TRPM8: variants seen among roughly 807,000 people sequenced by gnomAD.
The protein encoded by TRPM8 is transient receptor potential cation channel subfamily M member 8.
Under a neutral mutation model 133.7 loss-of-function variants are expected in TRPM8, and 110 were observed. The observed-to-expected ratio is 0.82, with a 90% CI of 0.70 to 0.96. TRPM8 has a LOEUF of 0.96. TRPM8 is among the 40% of genes least tolerant of loss of function. TRPM8 has a pLI of 0.00. For synonymous variants in TRPM8, 535 were observed against 532.3 expected, an observed-to-expected ratio of 1.01 and a Z score of -0.07; for missense variants, 1,291 against 1,379.5, an observed-to-expected ratio of 0.94 and a Z score of 1.02.
At chr2:233,972,797 T>G (rs1691764483) in intron 17 of TRPM8, among the ~76,000 whole-genome samples, 1 of 152,054 alleles carries the variant, frequency 6.6e-6, no homozygotes, top group African/African-American at 2.4e-5. Context: ...CACCCGGAAC[T>G]CCATCTGGCC....
intron 3 of TRPM8, among the ~76,000 whole-genome samples, chr2:233,936,311 G>C (rs145630929): frequency 2.2e-4 from 34 of 152,326 alleles, no homozygotes; most frequent in African/African-American, 7.9e-4. Context: ...AAGGTGGTAT[G>C]TTGGCAAAGG....
intron 24 of TRPM8, among the ~76,000 whole-genome samples, chr2:234,010,379 T>C (rs1479732872): frequency 2.0e-5 from 3 of 152,238 alleles, no homozygotes; most frequent in African/African-American, 7.2e-5. Context: ...TATCCATTGA[T>C]CTCTTGATGG....
chr2:233,985,693 A>C lies in TRPM8; in HGVS notation c.2767A>C (p.Thr923Pro). The C allele has an allele frequency of 6.2e-7, 1 of 1,613,874 alleles. No individual in the cohort carries two copies. Residue 923 changes from threonine (T) to proline (P), a missense_variant, in exon 21 of 26, where the codon ACG (threonine) becomes CCG (proline). Around this residue, in one of 2 missense-constraint regions of TRPM8, gnomAD observed 328 missense variants for 410.6 expected, o/e 0.80. Coordinates refer to ENST00000324695, the MANE Select transcript of TRPM8 (RefSeq NM_024080.5). ...GQVPSDVDGTTYDFAHCTFTG... is the reference protein window; with the variant it reads ...GQVPSDVDGTPYDFAHCTFTG... Reference sequence around the variant, plus strand: ...GTTGGTTTCTACATCCTCAGGTACCACGTATGACTTTGCCCACTGCACCTT... The same window carrying C: ...GTTGGTTTCTACATCCTCAGGTACCCCGTATGACTTTGCCCACTGCACCTT...
In TRPM8 at chr2:233,985,260, C is replaced by T. The variant is rs370702380; in HGVS notation, c.2762-428C>T. ...TCATGTTCCTGCTGCTCAGCCTCTG[C>T]TCTCAGTTCTGAGACCCTTCCTTCT... On this transcript the variant is annotated intron_variant, in intron 20 of 25. Transcript: ENST00000324695. Among the ~76,000 whole-genome samples the T allele has an allele frequency of 3.9e-4, 59 of 152,340 alleles. No homozygotes were observed. In the South Asian group the frequency reaches 0.012, roughly 30 times the overall value.
rs62192333 is a variant in TRPM8 at position 233,944,422 on chromosome 2, G to A, written c.700-1434G>A. On this transcript the variant is annotated intron_variant, in intron 6 of 25. Coordinates refer to ENST00000324695, the MANE Select transcript of TRPM8 (RefSeq NM_024080.5). ...GACTCACAAAAAACCTTGAAAATGT[G>A]GGTATTTTTACCTCTGAATGGGAAT... Among the ~76,000 whole-genome samples, 237 of 152,318 alleles carry A rather than the reference G, an allele frequency of 1.6e-3. 1 individual carries two copies. The highest frequency in any genetic ancestry group is 5.4e-3 in the African/African-American group (224 of 41,556).
At chr2:233,937,196 A>G in intron 3 of TRPM8, 157 bp from the exon 4 acceptor site, 1 of 888,196 alleles carries the variant, frequency 1.1e-6, no homozygotes, top group African/African-American at 1.7e-5. Flanking sequence ...GCACCCGTCC[A>G]CATCAAACTA....
intron 18 of TRPM8, among the ~76,000 whole-genome samples, chr2:233,981,065 C>T (rs1339666479): frequency 1.3e-5 from 2 of 152,122 alleles, no homozygotes; most frequent in Non-Finnish European, 2.9e-5. Context: ...AAATATAAGG[C>T]TAGCAATTAT....
rs776995196 is a variant in TRPM8 at position 233,939,055 on chromosome 2, C to A, written c.406C>A (p.His136Asn). 2.2e-5 allele frequency: 36 copies of A among 1,614,222 alleles called. No homozygotes were observed. Among genetic ancestry groups the A allele is most frequent in the Non-Finnish European group, 3.1e-5 (36 of 1,180,046 alleles). ...AEILYELLTQ[H>N]WHLKTPNLVI... ...AATCCTTTACGAGCTGCTGACCCAG[C>A]ACTGGCACCTGAAAACACCCAACCT... The change falls in exon 5 of 26, where the codon CAC (histidine) becomes AAC (asparagine). Residue 136 changes from histidine (H) to asparagine (N), a missense_variant. Physicochemically the swap from His to Asn is moderately conservative, Grantham distance 68 (BLOSUM62 1). Coordinates refer to ENST00000324695, the MANE Select transcript of TRPM8 (RefSeq NM_024080.5).
intron 11 of TRPM8, among the ~76,000 whole-genome samples, chr2:233,959,835 G>A (rs549870509): frequency 6.6e-6 from 1 of 152,184 alleles, no homozygotes; most frequent in African/African-American, 2.4e-5. Context: ...AGGCTGGAGT[G>A]CAGTGGTGTG....
At chr2:234,010,821 A>G (rs1316193998) in intron 24 of TRPM8, among the ~76,000 whole-genome samples, 5 of 151,958 alleles carry the variant, frequency 3.3e-5, no homozygotes, top group Non-Finnish European at 7.4e-5. Context: ...TAATCAGTTT[A>G]TTTGTATTTT....
chr2:233,956,586 A>G (rs979224227), intron 11 of TRPM8, among the ~76,000 whole-genome samples: 1 of 152,322 alleles, frequency 6.6e-6, no homozygotes, highest in East Asian at 1.9e-4. Context: ...TATAGATTTG[A>G]AGGTGCATAT....
Position 233,961,042 on chromosome 2 carries a change from G to T in TRPM8, c.1629G>T (p.Arg543=). The T allele has an allele frequency of 6.2e-7, 1 of 1,614,022 alleles. No individual in the cohort carries two copies. Among genetic ancestry groups the T allele is most frequent in the Non-Finnish European group, 8.5e-7 (1 of 1,180,018 alleles). The part of the protein sequence containing the change: ...RGFRKEDRNG[R]DEMDIELHDV... The stretch of plus-strand genomic sequence containing the variant: ...TCCGGAAGGAAGACAGAAATGGCCG[G>T]GACGAGATGGACATAGAACTCCACG... The change falls in exon 12 of 26, where the codon CGG becomes CGT. Residue 543 remains arginine, a synonymous_variant. Coordinates refer to ENST00000324695, the MANE Select transcript of TRPM8 (RefSeq NM_024080.5).
At chr2:233,950,957 T>C (rs1379205627) in intron 9 of TRPM8, among the ~76,000 whole-genome samples, 2 of 152,062 alleles carry the variant, frequency 1.3e-5, no homozygotes, top group African/African-American at 4.8e-5. Context: ...TCCCAACCCT[T>C]TGGGAGGCCA....
chr2:233,917,812 A>G (rs928473597), intron 1 of TRPM8, among the ~76,000 whole-genome samples: 6 of 122,924 alleles, frequency 4.9e-5, no homozygotes, highest in African/African-American at 3.1e-4. Context: ...TATTGGGAAC[A>G]TAATAAAACA....
At chr2:233,982,953 C>A in intron 19 of TRPM8, 100 bp from the exon 20 acceptor site, 1 of 1,326,406 alleles carries the variant, frequency 7.5e-7, no homozygotes, top group Non-Finnish European at 1.0e-6. Flanking sequence ...AGCCCTGGAA[C>A]CGCTGCTCTT....
chr2:233,946,961 G>A (rs972821943), intron 7 of TRPM8, 127 bp from the exon 8 acceptor site: 5 of 750,964 alleles, frequency 6.7e-6, no homozygotes, highest in South Asian at 3.4e-5. Context: ...GTTCAAGTCC[G>A]TGAGATGTGA....
Position 233,927,782 on chromosome 2 carries a change from CTTTCT to C in TRPM8, c.117+1131_117+1135del, listed in dbSNP as rs1156644562. 4.0e-3 allele frequency among the ~76,000 whole-genome samples: 150 copies of C among 37,424 alleles called. 8 individuals carry two copies. The highest frequency in any genetic ancestry group is 4.3e-3 in the Non-Finnish European group (107 of 24,940). 24.6% of individuals were successfully genotyped at this position (37,424 alleles called of 152,430 possible). A position where few individuals can be genotyped will look rare whatever the true frequency, so the allele number is the denominator to read the frequency against. On this transcript the variant is annotated intron_variant, in intron 2 of 25. Coordinates refer to ENST00000324695, the MANE Select transcript of TRPM8 (RefSeq NM_024080.5). ...TCTTTCTTTCTTTCTTTCTTTCTTTCTTTCTTTCTTTTCTTTCCTTCCTTCCTTCC... is the reference window on the plus strand; with the variant it reads ...TCTTTCTTTCTTTCTTTCTTTCTTTCTTCTTTTCTTTCCTTCCTTCCTTCC...
chr2:233,967,805 C>T (rs934694089), intron 15 of TRPM8, among the ~76,000 whole-genome samples: 2 of 152,096 alleles, frequency 1.3e-5, no homozygotes, highest in Non-Finnish European at 2.9e-5. Context: ...CGGGGTGTGC[C>T]TGGGAGGCTG....
At position 233,981,758 on chromosome 2, in the gene TRPM8, C is replaced by T; in HGVS notation, c.2448-16C>T. On this transcript the variant is annotated splice_polypyrimidine_tract_variant and intron_variant, in intron 18 of 25. Coordinates refer to ENST00000324695, the MANE Select transcript of TRPM8 (RefSeq NM_024080.5). ...TGTCAATATCTCATGAATTCTGTTC[C>T]TTCTTTTCCCCCTAGGCTCCACTCT... is the stretch of plus-strand genomic sequence containing the variant. 6.3e-7 allele frequency: 1 copy of T among 1,585,848 alleles called. No homozygotes were observed. Among genetic ancestry groups the T allele is most frequent in the African/African-American group, 1.4e-5 (1 of 73,116 alleles).
Sources: allele counts gnomAD v4.1 joint callset (sites outside exome capture counted in the v4.1 genomes callset), GRCh38; gene constraint gnomAD v4.1.1; regional missense constraint gnomAD v4.1.1; transcripts MANE v1.5; gene names NCBI Gene and HGNC (gene_info 2026-07-23, HGNC 2026-07-21).